The following TRAPPC9 variants were observed in gnomAD, a reference collection of about 807,000 sequenced individuals.
TRAPPC9 encodes IKK2 binding protein.
In TRAPPC9, 83 loss-of-function variants were observed where a neutral mutation model predicts 124.0. The observed-to-expected ratio is 0.67, with a 90% CI of 0.56 to 0.80. The LOEUF is 0.80. Among genes scored for constraint, TRAPPC9 ranks in the 30% least tolerant of loss-of-function variants. The pLI, the probability that TRAPPC9 is intolerant of heterozygous loss-of-function variation, is 0.00. For synonymous variants in TRAPPC9, 638 were observed against 617.5 expected (o/e 1.03, Z -0.49); for missense variants, 1,302 against 1,508.3 (o/e 0.86, Z 2.27).
intron 21 of TRAPPC9, among the ~76,000 whole-genome samples, chr8:139,836,473 G>A (rs1039316923): frequency 1.3e-5 from 2 of 152,220 alleles, no homozygotes; most frequent in Non-Finnish European, 2.9e-5. Context: ...AGGAGAAAGA[G>A]CTTCCATGAG....
chr8:140,017,417 G>GA (rs1288955413), intron 18 of TRAPPC9, among the ~76,000 whole-genome samples: 1 of 152,214 alleles, frequency 6.6e-6, no homozygotes, highest in Non-Finnish European at 1.5e-5. Context: ...ATGTATGGGT[G>GA]AAGGGTTGTT....
At chr8:139,968,822 A>G (rs1563649547) in intron 19 of TRAPPC9, among the ~76,000 whole-genome samples, 1 of 152,164 alleles carries the variant, frequency 6.6e-6, no homozygotes, top group Non-Finnish European at 1.5e-5. Flanking sequence ...AGGCTCAGAG[A>G]GGTTAAGTCA....
rs35333495 is a variant in TRAPPC9 at position 140,423,579 on chromosome 8, TACAC to T, written c.886+3032_886+3035del. On this transcript the variant is annotated intron_variant, in intron 5 of 22. Coordinates refer to ENST00000438773, the MANE Select transcript of TRAPPC9 (RefSeq NM_001160372.4). ...GAATATGGAAAAACAAAATGTGGCA[TACAC>T]ACACACACACACACACACACACACA... Among the ~76,000 whole-genome samples, 781 of 145,350 alleles carry T rather than the reference TACAC, an allele frequency of 5.4e-3. 16 individuals carry two copies. The East Asian group carries it at 0.062, about 12-fold the overall frequency.
chr8:139,824,066 T>C (rs150251091), intron 21 of TRAPPC9, among the ~76,000 whole-genome samples: 127 of 152,270 alleles, frequency 8.3e-4, no homozygotes, highest in African/African-American at 2.8e-3. Flanking sequence ...GTTCACCCCA[T>C]TTTCACTCAG....
At chr8:140,019,542 C>CT (rs71320340) in intron 18 of TRAPPC9, among the ~76,000 whole-genome samples, 2,598 of 43,858 alleles carry the variant, frequency 0.059, 953 homozygotes, top group African/African-American at 0.13. Context: ...TAATTTGTGT[C>CT]TTTTTTTTTT....
intron 17 of TRAPPC9, among the ~76,000 whole-genome samples, chr8:140,121,076 C>A (rs903655264): frequency 6.6e-6 from 1 of 152,246 alleles, no homozygotes; most frequent in Non-Finnish European, 1.5e-5. Context: ...AATCACTAGG[C>A]AAGATGTTGG....
intron 21 of TRAPPC9, among the ~76,000 whole-genome samples, chr8:139,810,065 AC>A (rs1293760761): frequency 6.6e-6 from 1 of 152,180 alleles, no homozygotes; most frequent in Non-Finnish European, 1.5e-5. Flanking sequence ...CCTGGCACAC[AC>A]ATTCACCCTG....
chr8:140,166,970 T>C (rs908569474), intron 17 of TRAPPC9, among the ~76,000 whole-genome samples: 5 of 152,174 alleles, frequency 3.3e-5, no homozygotes, highest in East Asian at 1.9e-4. Context: ...GTGAGCATCA[T>C]TGCTACTTAG....
chr8:139,911,075 T>C (rs973452156), intron 19 of TRAPPC9, among the ~76,000 whole-genome samples: 4 of 152,078 alleles, frequency 2.6e-5, no homozygotes, highest in African/African-American at 7.2e-5. Flanking sequence ...CCAAATCTCA[T>C]CTTGAGTTGT....
chr8:140,404,808 A>ATG (rs981935868), intron 6 of TRAPPC9, among the ~76,000 whole-genome samples: 2 of 150,436 alleles, frequency 1.3e-5, no homozygotes, highest in Admixed American at 1.3e-4. Flanking sequence ...GTGTGTGAAC[A>ATG]TGTGTGTATG....
intron 8 of TRAPPC9, 63 bp from the exon 9 acceptor site, chr8:140,360,256 T>A: frequency 6.2e-7 from 1 of 1,606,752 alleles, no homozygotes; most frequent in Non-Finnish European, 8.5e-7. Flanking sequence ...ATACGGTTAA[T>A]CTAAGTTGTA....
At chr8:140,409,589 G>A (rs939530779) in intron 5 of TRAPPC9, among the ~76,000 whole-genome samples, 1 of 152,060 alleles carries the variant, frequency 6.6e-6, no homozygotes, top group Non-Finnish European at 1.5e-5. Flanking sequence ...AATAAAACCC[G>A]GTACCTGCAC....
At chr8:140,179,881 T>C (rs1315126699) in intron 17 of TRAPPC9, among the ~76,000 whole-genome samples, 1 of 152,062 alleles carries the variant, frequency 6.6e-6, no homozygotes, top group Admixed American at 6.5e-5. Flanking sequence ...AAGTTGTTCC[T>C]GCTTTCTTAT....
intron 5 of TRAPPC9, among the ~76,000 whole-genome samples, chr8:140,419,714 T>C (rs1056369991): frequency 2.0e-5 from 3 of 151,238 alleles, no homozygotes; most frequent in African/African-American, 7.3e-5. Flanking sequence ...TGAAACCCCG[T>C]CTCTACTAAA....
At chr8:140,349,911 C>T (rs970760653) in intron 9 of TRAPPC9, among the ~76,000 whole-genome samples, 3 of 152,194 alleles carry the variant, frequency 2.0e-5, no homozygotes, top group Admixed American at 6.5e-5. Context: ...CCCAGCAATG[C>T]CTCTCTCACT....
rs186371821 is a variant in TRAPPC9, at chr8:140,109,620, C to T, written c.2557-85541G>A. Among the ~76,000 whole-genome samples the T allele has an allele frequency of 1.5e-3, 234 of 152,300 alleles. 1 individual carries two copies. The highest frequency in any genetic ancestry group is 5.2e-3 in the African/African-American group (216 of 41,548). Reference sequence around the variant, plus strand: ...ATATATATGAGTGTAATCTACTGCACCTTACTGTATTCAGGGGTTGTGGGT... The same window carrying T: ...ATATATATGAGTGTAATCTACTGCATCTTACTGTATTCAGGGGTTGTGGGT... On this transcript the variant is annotated intron_variant, in intron 17 of 22. Transcript: ENST00000438773.
At chr8:139,790,498 C>T (rs2130598048) in intron 21 of TRAPPC9, among the ~76,000 whole-genome samples, 1 of 152,344 alleles carries the variant, frequency 6.6e-6, no homozygotes, top group East Asian at 1.9e-4. Context: ...GAGAGGCAGG[C>T]TCTGGGCACT....
At chr8:140,313,161 A>G (rs961282417) in intron 9 of TRAPPC9, among the ~76,000 whole-genome samples, 1 of 152,232 alleles carries the variant, frequency 6.6e-6, no homozygotes, top group African/African-American at 2.4e-5. Flanking sequence ...AAAAGCCTTT[A>G]AATAACCAAA....
At chr8:140,300,692 G>A in intron 10 of TRAPPC9, 78 bp from the exon 11 acceptor site, 9 of 1,568,234 alleles carry the variant, frequency 5.7e-6, no homozygotes, top group Non-Finnish European at 7.9e-6. Flanking sequence ...CAAACATGAT[G>A]TATCAGAAAA....
Sources: gnomAD v4.1 joint callset for allele counts (sites outside exome capture counted in the v4.1 genomes callset) on GRCh38, gnomAD v4.1.1 for gene constraint, MANE v1.5 for transcripts, NCBI Gene and HGNC (gene_info 2026-07-23, HGNC 2026-07-21) for gene names.